Variants in ZNF653 observed in about 807,000 individuals in gnomAD.
The protein encoded by ZNF653 is zinc finger protein 653.
In ZNF653, 37 loss-of-function variants were observed where a neutral mutation model predicts 59.9. That is an observed-to-expected ratio of 0.62 (90% CI 0.48 to 0.81). The LOEUF (loss-of-function observed/expected upper bound fraction) is 0.81, where lower values mean the gene tolerates loss of function less well. Among genes scored for constraint, ZNF653 ranks in the 40% least tolerant of loss-of-function variants. The pLI, the probability that ZNF653 is intolerant of heterozygous loss-of-function variation, is 0.00. For synonymous variants in ZNF653, 435 were observed against 371.8 expected (o/e 1.17, Z -1.96); for missense variants, 808 against 881.1 (o/e 0.92, Z 1.05).
At position 11,487,793 on chromosome 19, in the gene ZNF653, C is replaced by T. The variant is rs1971485791; in HGVS notation, c.670G>A (p.Ala224Thr). The T allele has an allele frequency of 3.7e-6, 6 of 1,607,124 alleles. No homozygotes were observed. The highest frequency in any genetic ancestry group is 5.1e-6 in the Non-Finnish European group (6 of 1,178,368). ...CCCACCGGGCTGGTGGGCGTCGCTGCCGCTGCCGCTGCCGCAGCCTTGACC... is the reference window on the plus strand; with the variant it reads ...CCCACCGGGCTGGTGGGCGTCGCTGTCGCTGCCGCTGCCGCAGCCTTGACC... Reference protein sequence around the residue: ...QPVKAAAAAAAATPTSPVGSS... With the variant: ...QPVKAAAAAATATPTSPVGSS... Residue 224 changes from alanine to threonine, a missense_variant, in exon 4 of 9, where the codon GCA becomes ACA. Coordinates refer to ENST00000293771, the MANE Select transcript of ZNF653 (RefSeq NM_138783.4). This position sits in a 1 kb window ranked among gnomAD's most constrained non-coding sequence, Gnocchi z 5.1.
In ZNF653 at chr19:11,505,628, C is replaced by T. The variant is rs1458895359; in HGVS notation, c.159G>A (p.Lys53=). The T allele has an allele frequency of 6.7e-7, 1 of 1,501,528 alleles. No homozygotes were observed. The highest frequency in any genetic ancestry group is 1.2e-5 in the South Asian group (1 of 80,088). 93.0% of individuals were successfully genotyped at this position (1,501,528 alleles called of 1,614,324 possible). The part of the protein sequence containing the change: ...DRARRRLESR[K]KYDVRRVYLG... ...GGTACACGCGCCGCACGTCGTACTT[C>T]TTCCGGGACTCGAGCCGTCGCCGGG... Residue 53 remains lysine, a synonymous_variant, in exon 1 of 9, where the codon AAG becomes AAA. Coordinates refer to ENST00000293771, the MANE Select transcript of ZNF653 (RefSeq NM_138783.4).
At chr19:11,505,253 A>C (rs183683406) in intron 1 of ZNF653, 2 of 448,562 alleles carry the variant, frequency 4.5e-6, no homozygotes, top group Non-Finnish European at 7.8e-6. Context: ...AGCGCTCAGA[A>C]GGCGGGTCGA....
At chr19:11,505,466 C>T (rs1164878705) in intron 1 of ZNF653, 22 bp downstream of exon 1, 2 of 1,438,130 alleles carry the variant, frequency 1.4e-6, no homozygotes, top group South Asian at 1.4e-5. Context: ...TCCCTCCCTC[C>T]CTCGGGGCCA....
chr19:11,493,749 T>C (rs1971553229), intron 3 of ZNF653, among the ~76,000 whole-genome samples: 1 of 152,228 alleles, frequency 6.6e-6, no homozygotes, highest in Non-Finnish European at 1.5e-5. Flanking sequence ...CAAGGCCCGG[T>C]GGCATATGCC....
intron 1 of ZNF653, among the ~76,000 whole-genome samples, chr19:11,499,734 A>G (rs1971625065): frequency 6.6e-6 from 1 of 151,996 alleles, no homozygotes; most frequent in Non-Finnish European, 1.5e-5. Flanking sequence ...AAACACAGTG[A>G]AACCCCATCT....
chr19:11,496,270 C>T, intron 2 of ZNF653, 105 bp from the exon 3 acceptor site: 1 of 1,126,756 alleles, frequency 8.9e-7, no homozygotes, highest in Non-Finnish European at 1.3e-6. Context: ...GGTTTGGAGG[C>T]CCTCCTGAGT....
At position 11,495,059 on chromosome 19, in the gene ZNF653, C is replaced by G. The variant is rs1014898498; in HGVS notation, c.559+891G>C. Among the ~76,000 whole-genome samples, 4 of 152,232 alleles carry G rather than the reference C, an allele frequency of 2.6e-5. No individual in the cohort carries two copies. The highest frequency in any genetic ancestry group is 4.4e-5 in the Non-Finnish European group (3 of 68,042). On this transcript the variant is annotated intron_variant, in intron 3 of 8. Coordinates refer to ENST00000293771, the MANE Select transcript of ZNF653 (RefSeq NM_138783.4). The surrounding 1 kb of genome is among the most constrained non-coding windows in gnomAD (Gnocchi z 4.9). ...GAACACCTCTCGCCCCCGGCTTCCC[C>G]TCGGCCAGCTGGGATGCCACCTGCT...
Position 11,505,610 on chromosome 19 carries a change from G to C in ZNF653, c.177C>G (p.Arg59=). ...GCCCGTGCGCCTCGCCCAGGTACAC[G>C]CGCCGCACGTCGTACTTCTTCCGGG... ...LESRKKYDVR[R]VYLGEAHGPW... The change falls in exon 1 of 9, where the codon CGC becomes CGG. Residue 59 remains arginine (R), a synonymous_variant. Transcript: ENST00000293771. The C allele has an allele frequency of 1.3e-6, 2 of 1,504,962 alleles. No individual in the cohort carries two copies. The highest frequency in any genetic ancestry group is 1.8e-6 in the Non-Finnish European group (2 of 1,134,074). 93.2% of individuals were successfully genotyped at this position (1,504,962 alleles called of 1,614,324 possible).
chr19:11,491,458 G>C (rs188635782), intron 3 of ZNF653, among the ~76,000 whole-genome samples: 1 of 152,194 alleles, frequency 6.6e-6, no homozygotes, highest in Non-Finnish European at 1.5e-5. Flanking sequence ...GCCAGGTCAC[G>C]AGAGCTGGAG....
At chr19:11,498,988 G>A (rs754223703) in intron 1 of ZNF653, among the ~76,000 whole-genome samples, 1 of 152,214 alleles carries the variant, frequency 6.6e-6, no homozygotes, top group Non-Finnish European at 1.5e-5. Context: ...GCCTCCCAAA[G>A]TGTTGGGATT....
intron 3 of ZNF653, among the ~76,000 whole-genome samples, chr19:11,493,531 C>T (rs1599564389): frequency 6.6e-6 from 1 of 152,208 alleles, no homozygotes; most frequent in African/African-American, 2.4e-5. Context: ...AGGATCAGCC[C>T]CTCTTTCTGG....
intron 3 of ZNF653, among the ~76,000 whole-genome samples, chr19:11,491,084 C>T (rs1459523456): frequency 6.6e-6 from 1 of 152,242 alleles, no homozygotes; most frequent in Non-Finnish European, 1.5e-5. Context: ...TGCGGCCCCA[C>T]CGGCCCCCTG....
chr19:11,495,825 C>T lies in ZNF653; in HGVS notation c.559+125G>A, dbSNP rs1350868648. 7 of 1,011,772 alleles carry T rather than the reference C, an allele frequency of 6.9e-6. No homozygotes were observed. Among genetic ancestry groups the T allele is most frequent in the Non-Finnish European group, 4.3e-6 (3 of 690,602 alleles). 62.7% of individuals were successfully genotyped at this position (1,011,772 alleles called of 1,614,324 possible). A position where few individuals can be genotyped will look rare whatever the true frequency, so the allele number is the denominator to read the frequency against. On this transcript the variant is annotated intron_variant, in intron 3 of 8. Transcript: ENST00000293771. This position sits in a 1 kb window ranked among gnomAD's most constrained non-coding sequence, Gnocchi z 4.9. ...CCTGGCCCATCGTGTCCCTGCTCTG[C>T]CCCAGTGCCAGAGCCAGAGCCAGAG... is the stretch of plus-strand genomic sequence containing the variant.
chr19:11,493,834 C>T (rs1257488462), intron 3 of ZNF653, among the ~76,000 whole-genome samples: 1 of 150,036 alleles, frequency 6.7e-6, no homozygotes, highest in Admixed American at 6.6e-5. Flanking sequence ...GCCTGGGCAA[C>T]ACAGTGAGAT....
Position 11,483,549 on chromosome 19 carries a change from G to A in ZNF653, c.*133C>T. 7.0e-7 allele frequency: 1 copy of A among 1,425,432 alleles called. No homozygotes were observed. The highest frequency in any genetic ancestry group is 9.2e-7 in the Non-Finnish European group (1 of 1,088,098). 88.3% of individuals were successfully genotyped at this position (1,425,432 alleles called of 1,614,324 possible). A position where few individuals can be genotyped will look rare whatever the true frequency, so the allele number is the denominator to read the frequency against. On this transcript the variant is annotated 3_prime_UTR_variant, in exon 9 of 9. Transcript: ENST00000293771. ...GTGGGGAACCTGCCCAGGGGGCCCA[G>A]CTCTGGGGCGGGGCGGGGGCGCCTC...
intron 1 of ZNF653, among the ~76,000 whole-genome samples, chr19:11,498,991 T>C (rs1410587104): frequency 2.0e-5 from 3 of 152,066 alleles, no homozygotes; most frequent in Non-Finnish European, 4.4e-5. Context: ...TCCCAAAGTG[T>C]TGGGATTACA....
intron 2 of ZNF653, among the ~76,000 whole-genome samples, chr19:11,497,259 A>G (rs1007569274): frequency 6.6e-6 from 1 of 152,212 alleles, no homozygotes; most frequent in African/African-American, 2.4e-5. Context: ...GAGCAGGAAC[A>G]CTGCTGTTTT....
Position 11,505,624 on chromosome 19 carries a change from ACTT to A in ZNF653, c.160_162del (p.Lys54del), listed in dbSNP as rs1000294178. Reference sequence around the variant, plus strand: ...CCCAGGTACACGCGCCGCACGTCGTACTTCTTCCGGGACTCGAGCCGTCGCCGG... The same window carrying A: ...CCCAGGTACACGCGCCGCACGTCGTACTTCCGGGACTCGAGCCGTCGCCGG... On this transcript the variant is annotated inframe_deletion, in exon 1 of 9. Coordinates refer to ENST00000293771, the MANE Select transcript of ZNF653 (RefSeq NM_138783.4). The A allele has an allele frequency of 2.0e-6, 3 of 1,501,824 alleles. No homozygotes were observed. The African/African-American group carries it at 4.4e-5, about 22-fold the overall frequency. The allele number at this position is 1,501,824 out of a possible 1,614,324, so 93.0% of individuals were successfully genotyped here. A position where few individuals can be genotyped will look rare whatever the true frequency, so the allele number is the denominator to read the frequency against.
Position 11,493,355 on chromosome 19 carries a change from G to A in ZNF653, c.559+2595C>T, listed in dbSNP as rs1365493055. On this transcript the variant is annotated intron_variant, in intron 3 of 8. Coordinates refer to ENST00000293771, the MANE Select transcript of ZNF653 (RefSeq NM_138783.4). ...TTACAGGTGTGAGCCACCGTGCCCAGCCTTTGTTTTGGGTCTTTAATGAGT... is the reference window on the plus strand; with the variant it reads ...TTACAGGTGTGAGCCACCGTGCCCAACCTTTGTTTTGGGTCTTTAATGAGT... Among the ~76,000 whole-genome samples, 15 of 151,466 alleles carry A rather than the reference G, an allele frequency of 9.9e-5. No homozygotes were observed. The Admixed American group carries it at 9.9e-4, about 10-fold the overall frequency.
Sources: gnomAD v4.1 joint callset for allele counts (sites outside exome capture counted in the v4.1 genomes callset) on GRCh38, gnomAD v4.1.1 for gene constraint, Gnocchi (gnomAD v3.1) non-coding constraint, MANE v1.5 for transcripts, NCBI Gene and HGNC (gene_info 2026-07-23, HGNC 2026-07-21) for gene names.